The following SMC6 variants were observed in gnomAD, a reference collection of about 807,000 sequenced individuals.
SMC6 encodes the protein structural maintenance of chromosomes 6.
A neutral mutation model predicts 142.2 loss-of-function variants in SMC6; 79 were observed. The ratio of observed to expected loss-of-function variants is 0.56; its 90% CI spans 0.46 to 0.67. The LOEUF (loss-of-function observed/expected upper bound fraction) is 0.67. Ranked by LOEUF, SMC6 falls within the 30% of genes least tolerant of loss-of-function variation. The pLI is 0.00. For missense variants in SMC6, 1,072 were observed against 1,284.0 expected, an observed-to-expected ratio of 0.83 and a Z score of 2.52; for synonymous variants, 411 against 412.4, an observed-to-expected ratio of 1.00 and a Z score of 0.04.
At chr2:17,695,029 A>G (rs948082323) in intron 23 of SMC6, 123 bp downstream of exon 23, 7 of 1,039,748 alleles carry the variant, frequency 6.7e-6, no homozygotes, top group Non-Finnish European at 1.0e-5. Context: ...GGACTACTTC[A>G]GCTATAACTA....
chr2:17,682,725 A>G (rs1410356423), intron 24 of SMC6, among the ~76,000 whole-genome samples: 1 of 152,062 alleles, frequency 6.6e-6, no homozygotes, highest in African/African-American at 2.4e-5. Flanking sequence ...CCCACAACCA[A>G]CGGCTGCTCT....
At chr2:17,688,973 G>A (rs533348114) in intron 23 of SMC6, among the ~76,000 whole-genome samples, 172 of 152,300 alleles carry the variant, frequency 1.1e-3, no homozygotes, top group African/African-American at 3.6e-3. Flanking sequence ...CATTAGCAGA[G>A]GATAAATCTA....
Position 17,701,033 on chromosome 2 carries a change from A to AAAT in SMC6, c.2224-658_2224-656dup, listed in dbSNP as rs61348893. 9.6e-3 allele frequency among the ~76,000 whole-genome samples: 1,387 copies of AAAT among 144,306 alleles called. 13 individuals carry two copies. Among genetic ancestry groups the AAAT allele is most frequent in the African/African-American group, 0.025 (1,009 of 39,738 alleles). 94.7% of individuals were successfully genotyped at this position (144,306 alleles called of 152,430 possible). On this transcript the variant is annotated intron_variant, in intron 20 of 27. Coordinates refer to ENST00000448223, the MANE Select transcript of SMC6 (RefSeq NM_001142286.2). ...GCAACAAGAGTGATACTCCGTCTCA[A>AAAT]AATAATAATAATAATAATAATAATA...
chr2:17,746,202 G>T, intron 2 of SMC6: 1 of 321,080 alleles, frequency 3.1e-6, no homozygotes. Flanking sequence ...ACTGACATCT[G>T]GATTTTAGCC....
intron 16 of SMC6, among the ~76,000 whole-genome samples, chr2:17,713,162 C>CT (rs1193738067): frequency 6.6e-6 from 1 of 152,188 alleles, no homozygotes; most frequent in Non-Finnish European, 1.5e-5. Context: ...TACCTACCCA[C>CT]TCTAAAAAAC....
intron 23 of SMC6, among the ~76,000 whole-genome samples, chr2:17,686,695 C>CATGTATGACATACATACATGGAT (rs1667471592): frequency 1.3e-5 from 2 of 152,058 alleles, no homozygotes; most frequent in Non-Finnish European, 2.9e-5. Context: ...CTTTTCTGTA[C>CATGTATGACATACATACATGGAT]ATGTATGACA....
intron 19 of SMC6, 117 bp from the exon 20 acceptor site, chr2:17,702,026 T>A: frequency 1.7e-6 from 1 of 605,376 alleles, no homozygotes; most frequent in Non-Finnish European, 2.9e-6. Flanking sequence ...ATTCCATAAT[T>A]AATGAAAGGG....
In SMC6 at chr2:17,721,056, T is replaced by C; in HGVS notation, c.847-18A>G. 1.2e-6 allele frequency: 2 copies of C among 1,613,048 alleles called. No individual in the cohort carries two copies. Reference sequence around the variant, plus strand: ...TCATTGACCTAAGAAAGAAATTATATAGCAAATTGATCAGATTAACAATAA... The same window carrying C: ...TCATTGACCTAAGAAAGAAATTATACAGCAAATTGATCAGATTAACAATAA... On this transcript the variant is annotated intron_variant, in intron 10 of 27. Coordinates refer to ENST00000448223, the MANE Select transcript of SMC6 (RefSeq NM_001142286.2).
chr2:17,741,637 G>T lies in SMC6; in HGVS notation c.213C>A (p.Val71=). ...MLGPFKFGSN[V]NFVVGNNGSG... ...TTCCATTGTTGCCAACAACAAAGTTGACATTAGAACCAAACTTAAAAGGTC... is the reference window on the plus strand; with the variant it reads ...TTCCATTGTTGCCAACAACAAAGTTTACATTAGAACCAAACTTAAAAGGTC... The change falls in exon 4 of 28, where the codon GTC becomes GTA. Residue 71 remains valine, a synonymous_variant. Transcript: ENST00000448223. 6.2e-7 allele frequency: 1 copy of T among 1,609,728 alleles called. No homozygotes were observed. The highest frequency in any genetic ancestry group is 1.1e-5 in the South Asian group (1 of 89,906).
chr2:17,709,750 C>T (rs545594075), intron 16 of SMC6, among the ~76,000 whole-genome samples: 2 of 152,126 alleles, frequency 1.3e-5, no homozygotes, highest in South Asian at 4.1e-4. Flanking sequence ...GCTTATGGTG[C>T]TTTTTTACAC....
At chr2:17,667,709 G>C (rs1489698546) in intron 26 of SMC6, among the ~76,000 whole-genome samples, 2 of 152,132 alleles carry the variant, frequency 1.3e-5, no homozygotes, top group African/African-American at 4.8e-5. Context: ...AATTAGCCGG[G>C]CATGGTGGTG....
chr2:17,669,008 A>G (rs1199814961), intron 26 of SMC6, among the ~76,000 whole-genome samples: 1 of 152,226 alleles, frequency 6.6e-6, no homozygotes, highest in African/African-American at 2.4e-5. Context: ...TCCGGAGAAG[A>G]GGCTATCACC....
At position 17,716,196 on chromosome 2, in the gene SMC6, CTATCT is replaced by C. The variant is rs771990179; in HGVS notation, c.1410_1414del (p.Asp471Ter). ...AAATCTTTTGAGTCGATCAGTTTTACTATCTTTCAATTCTTTCAGTTGCCTCTGAT... is the reference window on the plus strand; with the variant it reads ...AAATCTTTTGAGTCGATCAGTTTTACTTCAATTCTTTCAGTTGCCTCTGAT... On this transcript the variant is annotated frameshift_variant, in exon 15 of 28. Transcript: ENST00000448223. LOFTEE classifies it high-confidence loss of function. 3 of 1,613,006 alleles carry C rather than the reference CTATCT, an allele frequency of 1.9e-6. No homozygotes were observed. Among genetic ancestry groups the C allele is most frequent in the Non-Finnish European group, 2.5e-6 (3 of 1,179,674 alleles).
chr2:17,750,817 A>ATGG (rs2125097069), intron 2 of SMC6, among the ~76,000 whole-genome samples: 1 of 150,758 alleles, frequency 6.6e-6, no homozygotes, highest in South Asian at 2.1e-4. Context: ...CCTGGCCAAC[A>ATGG]TGGTGAAACC....
intron 16 of SMC6, among the ~76,000 whole-genome samples, chr2:17,713,950 A>G (rs78147922): frequency 0.052 from 7,865 of 152,276 alleles, 233 homozygotes; most frequent in Middle Eastern, 0.11. Context: ...TTAATTACAC[A>G]CACTAATTTA....
intron 1 of SMC6, 43 bp from the exon 2 acceptor site, chr2:17,753,107 G>T: frequency 1.4e-6 from 1 of 733,566 alleles, no homozygotes; most frequent in Non-Finnish European, 1.7e-6. Flanking sequence ...GTAAACCTTT[G>T]AACACATGTT....
At chr2:17,740,116 T>C (rs1670369058) in intron 4 of SMC6, among the ~76,000 whole-genome samples, 1 of 152,180 alleles carries the variant, frequency 6.6e-6, no homozygotes, top group Admixed American at 6.5e-5. Flanking sequence ...CTGCCTCCAC[T>C]ATTTGCATTA....
At chr2:17,749,852 A>G (rs963515368) in intron 2 of SMC6, among the ~76,000 whole-genome samples, 12 of 152,252 alleles carry the variant, frequency 7.9e-5, no homozygotes, top group Non-Finnish European at 1.8e-4. Flanking sequence ...AGTGACACAC[A>G]TAACAGAATT....
intron 21 of SMC6, among the ~76,000 whole-genome samples, chr2:17,699,142 A>G (rs552609044): frequency 6.7e-4 from 102 of 152,108 alleles, no homozygotes; most frequent in African/African-American, 2.3e-3. Context: ...TGATGTTCCA[A>G]GATTCCCCCT....
Sources: allele counts gnomAD v4.1 joint callset (sites outside exome capture counted in the v4.1 genomes callset), GRCh38; gene constraint gnomAD v4.1.1; transcripts MANE v1.5; gene names NCBI Gene and HGNC (gene_info 2026-07-23, HGNC 2026-07-21).